The following DPP6 variants were observed in gnomAD, a reference collection of about 807,000 sequenced individuals.
DPP6 encodes the protein dipeptidyl peptidase like 6.
In DPP6, 69 loss-of-function variants were observed where a neutral mutation model predicts 122.6. The ratio of observed to expected loss-of-function variants is 0.56; its 90% CI spans 0.46 to 0.69. DPP6 has a LOEUF of 0.69. DPP6 is among the 30% of genes least tolerant of loss of function. The pLI is 0.00. For missense variants in DPP6, 928 were observed against 1,116.9 expected, an observed-to-expected ratio of 0.83 and a Z score of 2.41; for synonymous variants, 418 against 433.1, an observed-to-expected ratio of 0.97 and a Z score of 0.43.
chr7:153,877,901 T>A, the DPP6 span, among the ~76,000 whole-genome samples: 76 of 79,496 alleles, frequency 9.6e-4, no homozygotes, highest in Non-Finnish European at 1.5e-3. Flanking sequence ...ATTAAAAGGT[T>A]TGACAAATAA....
intron 1 of DPP6, among the ~76,000 whole-genome samples, chr7:154,384,625 A>C (rs992715912): frequency 2.0e-5 from 3 of 152,216 alleles, no homozygotes; most frequent in African/African-American, 7.2e-5. Context: ...AGTGAGAACC[A>C]GATAAGTGAG....
chr7:154,250,929 CA>C (rs1802312047), intron 1 of DPP6, among the ~76,000 whole-genome samples: 1 of 152,116 alleles, frequency 6.6e-6, no homozygotes, highest in Admixed American at 6.6e-5. Context: ...GCAATGTGGG[CA>C]GTGCTGAGAT....
chr7:153,896,425 A>T (rs1195602615), intron 1 of DPP6, among the ~76,000 whole-genome samples: 3 of 151,830 alleles, frequency 2.0e-5, no homozygotes, highest in East Asian at 1.9e-4. Flanking sequence ...TAAAGGCCAA[A>T]TTTTTTTTTC....
At chr7:153,968,837 A>G (rs1251842098) in intron 1 of DPP6, 1 of 151,816 alleles carries the variant, frequency 6.6e-6, no homozygotes, top group Non-Finnish European at 1.5e-5. Flanking sequence ...CTATCATTCC[A>G]TATAAGTGGA....
At chr7:154,573,413 C>T (rs1023203037) in intron 5 of DPP6, among the ~76,000 whole-genome samples, 1 of 152,204 alleles carries the variant, frequency 6.6e-6, no homozygotes, top group Admixed American at 6.5e-5. Context: ...ACCTTCAGCA[C>T]GTTCTCCTTC....
intron 1 of DPP6, among the ~76,000 whole-genome samples, chr7:154,336,176 G>A (rs1237851167): frequency 6.6e-6 from 1 of 152,132 alleles, no homozygotes; most frequent in Non-Finnish European, 1.5e-5. Context: ...CAGCACTCAG[G>A]TTCCTGCAAT....
chr7:153,900,643 G>A (rs1799605931), intron 1 of DPP6, among the ~76,000 whole-genome samples: 1 of 152,142 alleles, frequency 6.6e-6, no homozygotes, highest in Non-Finnish European at 1.5e-5. Context: ...AGCCATTCAT[G>A]AGGCGTCTGC....
intron 2 of DPP6, among the ~76,000 whole-genome samples, chr7:154,459,974 CTTTTTTTTTTT>C (rs71184004): frequency 1.7e-5 from 1 of 58,564 alleles, no homozygotes. Context: ...TATTCATGTG[CTTTTTTTTTTT>C]TTTTTTTTTT....
At chr7:154,845,960 C>A (rs968475307) in intron 16 of DPP6, among the ~76,000 whole-genome samples, 1 of 151,984 alleles carries the variant, frequency 6.6e-6, no homozygotes, top group East Asian at 1.9e-4. Context: ...CTGTTGGGAC[C>A]AATGGGATGC....
At chr7:154,310,147 C>T (rs1400546666) in intron 1 of DPP6, among the ~76,000 whole-genome samples, 1 of 152,132 alleles carries the variant, frequency 6.6e-6, no homozygotes, top group Non-Finnish European at 1.5e-5. Flanking sequence ...AACCAGAGCT[C>T]CCTACTGGGA....
chr7:154,885,555 CT>C (rs1806076143), intron 21 of DPP6, 77 bp from the exon 22 acceptor site: 1 of 1,519,282 alleles, frequency 6.6e-7, no homozygotes, highest in African/African-American at 1.4e-5. Context: ...TGCTCTGGGG[CT>C]GTCTCCCTGC....
intron 7 of DPP6, among the ~76,000 whole-genome samples, chr7:154,675,530 G>A (rs1209281368): frequency 2.0e-5 from 3 of 152,102 alleles, no homozygotes; most frequent in South Asian, 2.1e-4. Flanking sequence ...CTTAGTGCAC[G>A]GGACCCTGCA....
intron 1 of DPP6, among the ~76,000 whole-genome samples, chr7:154,440,071 AGAT>A (rs1383002657): frequency 1.3e-5 from 2 of 152,122 alleles, no homozygotes; most frequent in African/African-American, 4.8e-5. Flanking sequence ...GCTTCCACTA[AGAT>A]GATGATGATG....
intron 1 of DPP6, among the ~76,000 whole-genome samples, chr7:153,904,715 T>C (rs1012130867): frequency 1.3e-5 from 2 of 152,198 alleles, no homozygotes; most frequent in African/African-American, 4.8e-5. Context: ...TCCATTCTAG[T>C]GGCAGAAATA....
intron 22 of DPP6, among the ~76,000 whole-genome samples, chr7:154,887,390 A>G (rs542248275): frequency 7.2e-5 from 11 of 152,344 alleles, no homozygotes; most frequent in Admixed American, 3.9e-4. Flanking sequence ...TAGGAATCAG[A>G]TTAACTGGGT....
intron 21 of DPP6, among the ~76,000 whole-genome samples, chr7:154,882,947 CTCAG>C (rs1347451077): frequency 6.6e-6 from 1 of 152,086 alleles, no homozygotes; most frequent in Non-Finnish European, 1.5e-5. Context: ...GCTTCACGGT[CTCAG>C]TCAGGTACCT....
At chr7:154,711,318 G>A (rs1841166081) in intron 7 of DPP6, among the ~76,000 whole-genome samples, 3 of 152,186 alleles carry the variant, frequency 2.0e-5, no homozygotes, top group Admixed American at 2.0e-4. Flanking sequence ...CAGGAGGATT[G>A]CTTGAGGCCA....
intron 5 of DPP6, among the ~76,000 whole-genome samples, chr7:154,576,522 G>A (rs1270527540): frequency 6.6e-6 from 1 of 152,134 alleles, no homozygotes; most frequent in African/African-American, 2.4e-5. Flanking sequence ...TTGTTTCTAG[G>A]CCTAGTGAAA....
chr7:154,791,493 A>C (rs1797678550), intron 10 of DPP6, among the ~76,000 whole-genome samples: 1 of 152,118 alleles, frequency 6.6e-6, no homozygotes, highest in Admixed American at 6.5e-5. Context: ...CTACCATGGG[A>C]ACAGCATGGG....
Sources: allele counts gnomAD v4.1 joint callset (sites outside exome capture counted in the v4.1 genomes callset), GRCh38; gene constraint gnomAD v4.1.1; transcripts MANE v1.5; gene names NCBI Gene and HGNC (gene_info 2026-07-23, HGNC 2026-07-21).